BNC2: variants seen among roughly 807,000 people sequenced by gnomAD.
BNC2 encodes the protein basonuclin zinc finger protein 2, also known as zinc finger protein basonuclin-2.
In BNC2, 20 loss-of-function variants were observed where a neutral mutation model predicts 76.3. That is an observed-to-expected ratio of 0.26 (90% CI 0.18 to 0.38). BNC2 has a LOEUF of 0.38. Ranked by LOEUF, BNC2 falls within the 10% of genes least tolerant of loss-of-function variation. The probability of loss-of-function intolerance (pLI) is 1.00; values close to 1 mark genes in which losing one functional copy is unlikely to be tolerated. For synonymous variants in BNC2, 582 were observed against 514.8 expected, an observed-to-expected ratio of 1.13 and a Z score of -1.77; for missense variants, 1,382 against 1,399.8, an observed-to-expected ratio of 0.99 and a Z score of 0.20.
intron 3 of BNC2, among the ~76,000 whole-genome samples, chr9:16,656,741 A>G (rs1587280239): frequency 1.3e-5 from 2 of 152,306 alleles, no homozygotes; most frequent in South Asian, 4.1e-4. Context: ...ACAATATCAT[A>G]TTGTTAACTG....
At chr9:16,739,836 C>T (rs1824789121) in intron 1 of BNC2, among the ~76,000 whole-genome samples, 1 of 152,044 alleles carries the variant, frequency 6.6e-6, no homozygotes, top group African/African-American at 2.4e-5. Context: ...AGTCTGAGCA[C>T]AGGAAAATGG....
At chr9:16,743,796 T>C (rs563401114) in intron 1 of BNC2, among the ~76,000 whole-genome samples, 21 of 152,246 alleles carry the variant, frequency 1.4e-4, no homozygotes, top group Middle Eastern at 3.4e-3. Context: ...TCTCCCCCAT[T>C]CCATACCAAG....
intron 1 of BNC2, among the ~76,000 whole-genome samples, chr9:16,852,483 G>C (rs1819151508): frequency 6.6e-6 from 1 of 152,166 alleles, no homozygotes; most frequent in African/African-American, 2.4e-5. Context: ...AATCATATGT[G>C]AGATATTCAT....
At chr9:16,629,982 T>A (rs190337550) in intron 3 of BNC2, among the ~76,000 whole-genome samples, 28 of 152,306 alleles carry the variant, frequency 1.8e-4, no homozygotes, top group African/African-American at 5.3e-4. Flanking sequence ...TCTGTAGCAT[T>A]GATGCTTTGG....
intron 1 of BNC2, among the ~76,000 whole-genome samples, chr9:16,755,981 G>A (rs542399013): frequency 2.0e-5 from 3 of 152,270 alleles, no homozygotes; most frequent in South Asian, 2.1e-4. Flanking sequence ...GTAGAGATAC[G>A]TCTAAGTCAT....
At chr9:16,751,612 A>ATATATG (rs369392436) in intron 1 of BNC2, among the ~76,000 whole-genome samples, 50,052 of 140,538 alleles carry the variant, frequency 0.36, 11,134 homozygotes, top group East Asian at 0.9. Flanking sequence ...ACAAATATAT[A>ATATATG]TATGTGTATA....
rs200916361 is a variant in BNC2 at position 16,814,381 on chromosome 9, G to GT, written c.3+56264dup. Among the ~76,000 whole-genome samples the GT allele has an allele frequency of 4.6e-3, 694 of 152,216 alleles. 6 individuals carry two copies. Among genetic ancestry groups the GT allele is most frequent in the Middle Eastern group, 0.014 (4 of 294 alleles). ...ATATGTTTAGCTTTATACAACAGAC[G>GT]TTTTCCTTCAGGTTGTGATCAGTAT... is the stretch of plus-strand genomic sequence containing the variant. On this transcript the variant is annotated intron_variant, in intron 1 of 6. Coordinates refer to ENST00000380672, the MANE Select transcript of BNC2 (RefSeq NM_017637.6).
chr9:16,725,783 ACTTT>A (rs959372352), intron 3 of BNC2, among the ~76,000 whole-genome samples: 4 of 152,148 alleles, frequency 2.6e-5, no homozygotes, highest in Non-Finnish European at 5.9e-5. Flanking sequence ...CATTTATATT[ACTTT>A]ATTTGTTTTT....
chr9:16,776,087 T>C (rs58679326), intron 1 of BNC2, among the ~76,000 whole-genome samples: 3,705 of 152,216 alleles, frequency 0.024, 137 homozygotes, highest in African/African-American at 0.084. Flanking sequence ...CTCCTCCGTA[T>C]TACCTACCCC....
chr9:16,494,070 A>G (rs958612169), intron 5 of BNC2, among the ~76,000 whole-genome samples: 3 of 152,196 alleles, frequency 2.0e-5, no homozygotes, highest in African/African-American at 7.2e-5. Context: ...AAAACAGACA[A>G]ACCCCTACCC....
intron 3 of BNC2, among the ~76,000 whole-genome samples, chr9:16,617,538 A>G (rs560769288): frequency 6.6e-6 from 1 of 151,028 alleles, no homozygotes; most frequent in Non-Finnish European, 1.5e-5. Context: ...AAAAAAAAAA[A>G]AAAAAACCAC....
At chr9:16,659,746 ATCTCC>A (rs1418870515) in intron 3 of BNC2, among the ~76,000 whole-genome samples, 12 of 151,886 alleles carry the variant, frequency 7.9e-5, no homozygotes, top group Non-Finnish European at 1.5e-5. Context: ...CTCAACTGTC[ATCTCC>A]TCAGCGTTGC....
chr9:16,531,202 A>T (rs1817963951), intron 5 of BNC2, among the ~76,000 whole-genome samples: 1 of 152,220 alleles, frequency 6.6e-6, no homozygotes, highest in African/African-American at 2.4e-5. Context: ...ACAAACTAGA[A>T]GACCACAGTA....
At chr9:16,819,782 C>A (rs1818273417) in intron 1 of BNC2, among the ~76,000 whole-genome samples, 1 of 151,994 alleles carries the variant, frequency 6.6e-6, no homozygotes, top group Non-Finnish European at 1.5e-5. Flanking sequence ...AATATCATCT[C>A]ATTTAATTTC....
chr9:16,869,658 T>C (rs374840950), intron 1 of BNC2, among the ~76,000 whole-genome samples: 3 of 151,766 alleles, frequency 2.0e-5, no homozygotes, highest in African/African-American at 7.3e-5. Flanking sequence ...AAGAAGGGAG[T>C]GGTCAAGCCC....
At chr9:16,419,878 T>A (rs562176330) in intron 6 of BNC2, among the ~76,000 whole-genome samples, 1 of 152,178 alleles carries the variant, frequency 6.6e-6, no homozygotes, top group Non-Finnish European at 1.5e-5. Flanking sequence ...ATTATTTTTA[T>A]AAGAGAGTTG....
At chr9:16,656,202 T>C (rs1211916760) in intron 3 of BNC2, among the ~76,000 whole-genome samples, 2 of 151,958 alleles carry the variant, frequency 1.3e-5, no homozygotes, top group Admixed American at 1.3e-4. Flanking sequence ...TGTGTGTAGG[T>C]GCTCAGGGAA....
intron 3 of BNC2, among the ~76,000 whole-genome samples, chr9:16,649,116 A>C (rs182314579): frequency 1.6e-4 from 25 of 152,260 alleles, no homozygotes; most frequent in African/African-American, 5.8e-4. Flanking sequence ...GATTTCTACA[A>C]AAATCTGTGC....
intron 5 of BNC2, among the ~76,000 whole-genome samples, chr9:16,502,924 AG>A (rs1822550810): frequency 6.6e-6 from 1 of 152,136 alleles, no homozygotes; most frequent in African/African-American, 2.4e-5. Flanking sequence ...CTAAAGGAAG[AG>A]CTACAACAAG....
Sources: gnomAD v4.1 joint callset for allele counts (sites outside exome capture counted in the v4.1 genomes callset) on GRCh38, gnomAD v4.1.1 for gene constraint, MANE v1.5 for transcripts, NCBI Gene and HGNC (gene_info 2026-07-23, HGNC 2026-07-21) for gene names.